The following VCPKMT variants were observed in gnomAD, a reference collection of about 807,000 sequenced individuals.
The protein encoded by VCPKMT is valosin containing protein lysine methyltransferase.
A neutral mutation model predicts 28.6 loss-of-function variants in VCPKMT; 32 were observed. The ratio of observed to expected loss-of-function variants is 1.12; its 90% CI spans 0.84 to 1.50. VCPKMT has a LOEUF of 1.50. Among genes scored for constraint, VCPKMT ranks in the 40% most tolerant of loss-of-function variants. The probability of loss-of-function intolerance (pLI) is 0.00; values close to 1 mark genes in which losing one functional copy is unlikely to be tolerated. For missense variants in VCPKMT, 366 were observed against 285.0 expected, an observed-to-expected ratio of 1.28 and a Z score of -2.05; for synonymous variants, 138 against 111.4, an observed-to-expected ratio of 1.24 and a Z score of -1.50.
At chr14:50,112,561 G>A (rs1330740025) in intron 5 of VCPKMT, 54 bp downstream of exon 5, 4 of 1,158,306 alleles carry the variant, frequency 3.5e-6, no homozygotes, top group African/African-American at 1.5e-5. Context: ...CCCTGAAATA[G>A]TGTCCAGCTG....
chr14:50,115,745 C>T, intron 3 of VCPKMT, 94 bp downstream of exon 3: 1 of 1,431,358 alleles, frequency 7.0e-7, no homozygotes, highest in African/African-American at 1.4e-5. Context: ...ATCCCGGATT[C>T]AAAGATGTTA....
At chr14:50,110,767 C>G (rs1018515356) in intron 5 of VCPKMT, among the ~76,000 whole-genome samples, 1 of 152,208 alleles carries the variant, frequency 6.6e-6, no homozygotes, top group Non-Finnish European at 1.5e-5. Context: ...TTATTCATCT[C>G]ATCAATGGAT....
the VCPKMT span, among the ~76,000 whole-genome samples, chr14:50,103,219 G>C: frequency 2.0e-5 from 3 of 152,240 alleles, no homozygotes; most frequent in African/African-American, 7.2e-5. Context: ...CCAAGGTTTT[G>C]TCATTCTTGT....
downstream of VCPKMT, chr14:50,108,562 G>C (rs79692900): frequency 1.5e-3 from 1,487 of 959,644 alleles, 21 homozygotes; most frequent in African/African-American, 0.025. Context: ...CTCTAAATAG[G>C]GCTGCTTTTG....
chr14:50,110,979 A>G, intron 5 of VCPKMT: 1 of 184,948 alleles, frequency 5.4e-6, no homozygotes, highest in African/African-American at 2.4e-5. Flanking sequence ...AGTGGCTGCC[A>G]GCAGCTGGGG....
Position 50,108,900 on chromosome 14 carries a change from A to C in VCPKMT, c.*799T>G. 5.1e-6 allele frequency: 5 copies of C among 985,496 alleles called. No homozygotes were observed. The highest frequency in any genetic ancestry group is 6.0e-6 in the Non-Finnish European group (5 of 829,944). The allele number at this position is 985,496 out of a possible 1,614,324, so 61.0% of individuals were successfully genotyped here. On this transcript the variant is annotated 3_prime_UTR_variant, in exon 6 of 6. Transcript: ENST00000395860. ...CATGTAAACAATACCAGTATTTTTAAGCCAGATTTTCCTGGAACATATACA... is the reference window on the plus strand; with the variant it reads ...CATGTAAACAATACCAGTATTTTTACGCCAGATTTTCCTGGAACATATACA...
intron 4 of VCPKMT, chr14:50,113,460 G>A (rs571813138): frequency 6.6e-6 from 1 of 152,218 alleles, no homozygotes; most frequent in South Asian, 2.1e-4. Flanking sequence ...ACCCTCAAAA[G>A]GAGTCACTCA....
chr14:50,114,054 G>A (rs190510446), intron 4 of VCPKMT, among the ~76,000 whole-genome samples: 58 of 152,242 alleles, frequency 3.8e-4, no homozygotes, highest in East Asian at 3.1e-3. Context: ...AGTGGCACCC[G>A]TATTAACATT....
At chr14:50,111,702 A>T (rs1314141457) in intron 5 of VCPKMT, 1 of 785,398 alleles carries the variant, frequency 1.3e-6, no homozygotes, top group Admixed American at 6.3e-5. Context: ...ACATGGCAAA[A>T]CCCTGTCTCA....
chr14:50,104,750 C>T (rs1433139480), downstream of VCPKMT, among the ~76,000 whole-genome samples: 1 of 150,790 alleles, frequency 6.6e-6, no homozygotes, highest in Non-Finnish European at 1.5e-5. Flanking sequence ...TTTTAAGTGT[C>T]TCAGATGTAA....
intron 3 of VCPKMT, among the ~76,000 whole-genome samples, chr14:50,114,982 A>G (rs969080537): frequency 3.3e-4 from 51 of 152,326 alleles, no homozygotes; most frequent in African/African-American, 1.2e-3. Flanking sequence ...TCTCATGGGA[A>G]ACAAATGGAA....
chr14:50,113,730 C>CA (rs969169784), intron 4 of VCPKMT, among the ~76,000 whole-genome samples: 5 of 137,324 alleles, frequency 3.6e-5, no homozygotes, highest in African/African-American at 8.3e-5. Context: ...CCCATCTCTA[C>CA]AAAAAAATAC....
At chr14:50,108,358 A>G (rs936382906), downstream of VCPKMT, among the ~76,000 whole-genome samples, 19 of 152,206 alleles carry the variant, frequency 1.2e-4, no homozygotes, top group African/African-American at 3.6e-4. Flanking sequence ...GACATCATTA[A>G]TAACAGCTAG....
In VCPKMT at chr14:50,116,319, G is replaced by A. The variant is rs377721791; in HGVS notation, c.234C>T (p.Thr78=). ...RRSVLELGSG[T]GAVGLMAATL... ...TAGCAGCCATGAGCCCCACGGCCCC[G>A]GTGCCCGAACCCAGCTCCAGCACCG... The change falls in exon 1 of 6, where the codon ACC becomes ACT. Residue 78 remains threonine, a synonymous_variant. Coordinates refer to ENST00000395860, the MANE Select transcript of VCPKMT (RefSeq NM_024558.3). 68 of 1,535,126 alleles carry A rather than the reference G, an allele frequency of 4.4e-5. No individual in the cohort carries two copies. Among genetic ancestry groups the A allele is most frequent in the Non-Finnish European group, 5.6e-5 (63 of 1,133,414 alleles).
chr14:50,115,540 G>A (rs1883084028), intron 3 of VCPKMT, among the ~76,000 whole-genome samples: 1 of 152,128 alleles, frequency 6.6e-6, no homozygotes. Context: ...ACAACCAAGG[G>A]AAAAAGAGAG....
chr14:50,108,299 T>G (rs1488453188), downstream of VCPKMT, among the ~76,000 whole-genome samples: 1 of 152,112 alleles, frequency 6.6e-6, no homozygotes, highest in Admixed American at 6.6e-5. Flanking sequence ...AACTTATTTT[T>G]ACAAATTTCA....
In VCPKMT at chr14:50,115,923, C is replaced by G; in HGVS notation, c.378-12G>C. ...CTATTTCTTCCCCCCTTAAAAATGC[C>G]AAACAAATATTTCAATTGTTTTAAT... On this transcript the variant is annotated splice_polypyrimidine_tract_variant and intron_variant, in intron 2 of 5. Coordinates refer to ENST00000395860, the MANE Select transcript of VCPKMT (RefSeq NM_024558.3). 3 of 1,612,852 alleles carry G rather than the reference C, an allele frequency of 1.9e-6. 1 individual carries two copies.
At chr14:50,106,878 C>T (rs1342150779), downstream of VCPKMT, among the ~76,000 whole-genome samples, 1 of 152,142 alleles carries the variant, frequency 6.6e-6, no homozygotes, top group East Asian at 1.9e-4. Flanking sequence ...ACCACCACAC[C>T]CAAGTAATTT....
chr14:50,114,817 TACA>T (rs1882987900), intron 3 of VCPKMT, among the ~76,000 whole-genome samples: 1 of 152,288 alleles, frequency 6.6e-6, no homozygotes, highest in Middle Eastern at 3.4e-3. Flanking sequence ...TCCACTGCAC[TACA>T]ACATGTGTGA....
Sources: allele counts gnomAD v4.1 joint callset (sites outside exome capture counted in the v4.1 genomes callset), GRCh38; gene constraint gnomAD v4.1.1; transcripts MANE v1.5; gene names NCBI Gene and HGNC (gene_info 2026-07-23, HGNC 2026-07-21).